The following IL11RA variants were observed in gnomAD, a reference collection of about 807,000 sequenced individuals.
The protein encoded by IL11RA is interleukin-11 receptor subunit alpha.
IL11RA carries 51 observed loss-of-function variants against 57.0 expected under a neutral mutation model. That is an observed-to-expected ratio of 0.89 (90% CI 0.71 to 1.13). IL11RA has a LOEUF of 1.13. Among genes scored for constraint, IL11RA ranks in the 50% most tolerant of loss-of-function variants. The pLI is 0.00. For missense variants in IL11RA, 498 were observed against 539.4 expected, an observed-to-expected ratio of 0.92 and a Z score of 0.76; for synonymous variants, 199 against 217.5, an observed-to-expected ratio of 0.91 and a Z score of 0.75.
intron 6 of IL11RA, 42 bp downstream of exon 6, chr9:34,657,377 A>G: frequency 6.2e-7 from 1 of 1,614,146 alleles, no homozygotes; most frequent in Non-Finnish European, 8.5e-7. Context: ...GCTGGGTCCC[A>G]CAGTAGGCAT....
At chr9:34,657,844 A>G (rs1821378364) in intron 7 of IL11RA, among the ~76,000 whole-genome samples, 1 of 152,140 alleles carries the variant, frequency 6.6e-6, no homozygotes, top group Non-Finnish European at 1.5e-5. Context: ...CCTGTACCGA[A>G]TGCAGCCATA....
At chr9:34,661,054 T>A (rs1821447699) in intron 12 of IL11RA, 118 bp downstream of exon 12, 1 of 853,882 alleles carries the variant, frequency 1.2e-6, no homozygotes, top group Non-Finnish European at 2.0e-6. Context: ...AAGTTGGGTC[T>A]CCTCATTTTA....
At chr9:34,659,003 C>T (rs1821402205) in intron 8 of IL11RA, among the ~76,000 whole-genome samples, 1 of 152,100 alleles carries the variant, frequency 6.6e-6, no homozygotes, top group African/African-American at 2.4e-5. Context: ...CGGCTAACTG[C>T]AACCTCCACC....
intron 3 of IL11RA, among the ~76,000 whole-genome samples, chr9:34,656,331 C>T (rs376413098): frequency 8.0e-4 from 122 of 152,200 alleles, no homozygotes; most frequent in African/African-American, 2.8e-3. Flanking sequence ...GTGCCTGGCC[C>T]GTGGTTACCT....
intron 1 of IL11RA, 163 bp from the exon 2 acceptor site, chr9:34,655,055 G>A (rs1821316884): frequency 3.0e-6 from 2 of 666,416 alleles, no homozygotes; most frequent in East Asian, 5.5e-5. Context: ...GTATACAGTG[G>A]GAAAGGGGAC....
At chr9:34,654,851 T>C (rs1821311514) in intron 1 of IL11RA, among the ~76,000 whole-genome samples, 2 of 152,110 alleles carry the variant, frequency 1.3e-5, no homozygotes, top group African/African-American at 2.4e-5. Flanking sequence ...TGGGAGTGGC[T>C]GAGCTGGTGC....
rs180851240 is a variant in IL11RA at position 34,659,819 on chromosome 9, G to A, written c.871G>A (p.Val291Ile). The A allele has an allele frequency of 6.2e-7, 1 of 1,614,210 alleles. No individual in the cohort carries two copies. Among genetic ancestry groups the A allele is most frequent in the Non-Finnish European group, 8.5e-7 (1 of 1,180,036 alleles). ...TGCTGTGGCTGGGCTGCCCCATGCT[G>A]TACGAGTCAGTGCCCGGGACTTTCT... ...TDAVAGLPHA[V>I]RVSARDFLDA... The change falls in exon 9 of 13, where the codon GTA becomes ATA. Residue 291 changes from valine (V) to isoleucine (I), a missense_variant. By Grantham distance (29) the Val-to-Ile change is conservative (BLOSUM62 3). Coordinates refer to ENST00000441545, the MANE Select transcript of IL11RA (RefSeq NM_001142784.3).
chr9:34,656,818 C>T lies in IL11RA; in HGVS notation c.241C>T (p.Leu81=), dbSNP rs189071812. Residue 81 remains leucine (L), a synonymous_variant, in exon 4 of 13, where the codon CTG becomes TTG. Transcript: ENST00000441545. ...CTCTGGGCTAGGGCATGAACTGGTCCTGGCCCAGGCAGACAGCACTGATGA... is the reference window on the plus strand; with the variant it reads ...CTCTGGGCTAGGGCATGAACTGGTCTTGGCCCAGGCAGACAGCACTGATGA... ...PDSGLGHELV[L]AQADSTDEGT... The T allele has an allele frequency of 6.0e-5, 97 of 1,614,182 alleles. No individual in the cohort carries two copies. In the East Asian group the frequency reaches 1.6e-3, roughly 26 times the overall value.
chr9:34,658,088 T>C lies in IL11RA; in HGVS notation c.647-432T>C, dbSNP rs1335023725. Among the ~76,000 whole-genome samples the C allele has an allele frequency of 1.3e-5, 2 of 152,180 alleles. No homozygotes were observed. The highest frequency in any genetic ancestry group is 4.8e-5 in the African/African-American group (2 of 41,432). On this transcript the variant is annotated intron_variant, in intron 7 of 12. Transcript: ENST00000441545. This position sits in a 1 kb window ranked among gnomAD's most constrained non-coding sequence, Gnocchi z 4.0. ...GGTCTCACTTTGTGCCCAGGCTGGA[T>C]GAAGTTCAGTGGTGTGATCTTGGCT...
At chr9:34,656,085 G>A (rs1296039932) in intron 3 of IL11RA, 2 of 297,730 alleles carry the variant, frequency 6.7e-6, no homozygotes, top group Non-Finnish European at 1.3e-5. Context: ...AGGCTGGAGT[G>A]CAGTGGTGCA....
rs564673231 is a variant in IL11RA at position 34,659,326 on chromosome 9, A to T, written c.811-433A>T. Reference sequence around the variant, plus strand: ...GATAGCAGTGAATTTGTGTCTCAGGAGATGTTAAAGATTGGCTGGTATCAG... The same window carrying T: ...GATAGCAGTGAATTTGTGTCTCAGGTGATGTTAAAGATTGGCTGGTATCAG... On this transcript the variant is annotated intron_variant, in intron 8 of 12. Transcript: ENST00000441545. Among the ~76,000 whole-genome samples the T allele has an allele frequency of 3.3e-5, 5 of 152,362 alleles. No homozygotes were observed. In the East Asian group the frequency reaches 5.8e-4, roughly 18 times the overall value.
rs1271228325 is a variant in IL11RA, at chr9:34,657,403, C to T, written c.480-18C>T. The T allele has an allele frequency of 1.9e-6, 3 of 1,614,048 alleles. No individual in the cohort carries two copies. Among genetic ancestry groups the T allele is most frequent in the Non-Finnish European group, 2.5e-6 (3 of 1,180,012 alleles). ...CAGTAGGCATTTTCAAAGCCAAAGA[C>T]CACATCCTCCCTTCTAGGAGGAGTC... On this transcript the variant is annotated intron_variant, in intron 6 of 12. Coordinates refer to ENST00000441545, the MANE Select transcript of IL11RA (RefSeq NM_001142784.3).
chr9:34,655,903 G>C, intron 3 of IL11RA: 1 of 580,378 alleles, frequency 1.7e-6, no homozygotes. Context: ...TGCCAGGCAA[G>C]GTGCCTGCCT....
chr9:34,657,368 C>G (rs764138471), intron 6 of IL11RA, 33 bp downstream of exon 6: 1 of 1,614,130 alleles, frequency 6.2e-7, no homozygotes, highest in Non-Finnish European at 8.5e-7. Context: ...GGGGCTCCAG[C>G]TGGGTCCCAC....
At position 34,657,595 on chromosome 9, in the gene IL11RA, C is replaced by T; in HGVS notation, c.646+8C>T. The T allele has an allele frequency of 6.2e-7, 1 of 1,613,388 alleles. No individual in the cohort carries two copies. Among genetic ancestry groups the T allele is most frequent in the African/African-American group, 1.3e-5 (1 of 74,934 alleles). On this transcript the variant is annotated splice_region_variant and intron_variant, in intron 7 of 12. Transcript: ENST00000441545. ...TGAGCTTGCAGAGCATCTGTGAGTACCCACCCCAGACCTCCCCCAGACCCC... is the reference window on the plus strand; with the variant it reads ...TGAGCTTGCAGAGCATCTGTGAGTATCCACCCCAGACCTCCCCCAGACCCC...
In IL11RA at chr9:34,661,471, G is replaced by C; in HGVS notation, c.1253-11G>C. Reference sequence around the variant, plus strand: ...TACTGTCTCTCCTGATTTGCCTCCTGCTTCTTCTAGGAGCTCCAAACCTGT... The same window carrying C: ...TACTGTCTCTCCTGATTTGCCTCCTCCTTCTTCTAGGAGCTCCAAACCTGT... On this transcript the variant is annotated splice_polypyrimidine_tract_variant and intron_variant, in intron 12 of 12. Coordinates refer to ENST00000441545, the MANE Select transcript of IL11RA (RefSeq NM_001142784.3). The C allele has an allele frequency of 6.2e-7, 1 of 1,613,532 alleles. No homozygotes were observed. The highest frequency in any genetic ancestry group is 1.7e-5 in the Admixed American group (1 of 60,014).
intron 6 of IL11RA, 40 bp downstream of exon 6, chr9:34,657,375 C>T: frequency 6.2e-7 from 1 of 1,614,136 alleles, no homozygotes; most frequent in Non-Finnish European, 8.5e-7. Context: ...CAGCTGGGTC[C>T]CACAGTAGGC....
In IL11RA at chr9:34,658,618, C is replaced by G. The variant is rs377761023; in HGVS notation, c.745C>G (p.Gln249Glu). 2 of 1,614,054 alleles carry G rather than the reference C, an allele frequency of 1.2e-6. No homozygotes were observed. Among genetic ancestry groups the G allele is most frequent in the Non-Finnish European group, 1.7e-6 (2 of 1,180,056 alleles). Residue 249 changes from glutamine to glutamate, a missense_variant, in exon 8 of 13, where the codon CAG becomes GAG. Coordinates refer to ENST00000441545, the MANE Select transcript of IL11RA (RefSeq NM_001142784.3). This position sits in a 1 kb window ranked among gnomAD's most constrained non-coding sequence, Gnocchi z 4.0. ...GACATACCCTGCCTCCTGGCCGTGC[C>G]AGCCCCACTTCCTGCTCAAGTTCCG... ...SWTYPASWPC[Q>E]PHFLLKFRLQ...
Position 34,658,771 on chromosome 9 carries a change from T to G in IL11RA, c.810+88T>G. On this transcript the variant is annotated intron_variant, in intron 8 of 12. Transcript: ENST00000441545. The surrounding 1 kb of genome is among the most constrained non-coding windows in gnomAD (Gnocchi z 4.0). ...GGTGTTCTGTATAGCTTTCCAGTGC[T>G]GGCAGGTCACTGAAGACCCAACACT... 3 of 1,472,254 alleles carry G rather than the reference T, an allele frequency of 2.0e-6. 1 individual carries two copies. In the East Asian group the frequency reaches 6.8e-5, roughly 33 times the overall value. 91.2% of individuals were successfully genotyped at this position (1,472,254 alleles called of 1,614,324 possible). A position where few individuals can be genotyped will look rare whatever the true frequency, so the allele number is the denominator to read the frequency against.
Sources: gnomAD v4.1 joint callset for allele counts (sites outside exome capture counted in the v4.1 genomes callset) on GRCh38, gnomAD v4.1.1 for gene constraint, Gnocchi (gnomAD v3.1) non-coding constraint, MANE v1.5 for transcripts, NCBI Gene and HGNC (gene_info 2026-07-23, HGNC 2026-07-21) for gene names.